Variants in RNLS observed in about 807,000 individuals in gnomAD.
RNLS encodes the protein renalase.
In RNLS, 39 loss-of-function variants were observed where a neutral mutation model predicts 39.8. The ratio of observed to expected loss-of-function variants is 0.98; its 90% CI spans 0.76 to 1.28. The LOEUF is 1.28. Ranked by LOEUF, RNLS falls within the 50% of genes most tolerant of loss-of-function variation. The probability of loss-of-function intolerance (pLI) is 0.00; values close to 1 mark genes in which losing one functional copy is unlikely to be tolerated. For missense variants in RNLS, 410 were observed against 413.3 expected, an observed-to-expected ratio of 0.99 and a Z score of 0.07; for synonymous variants, 147 against 150.7, an observed-to-expected ratio of 0.98 and a Z score of 0.18.
chr10:88,259,596 A>G, the RNLS span, among the ~76,000 whole-genome samples: 1 of 152,206 alleles, frequency 6.6e-6, no homozygotes, highest in African/African-American at 2.4e-5. Context: ...ACTCTCACGC[A>G]TAGTTACCAA....
intron 4 of RNLS, among the ~76,000 whole-genome samples, chr10:88,373,129 T>C (rs1017740432): frequency 9.2e-5 from 14 of 152,180 alleles, no homozygotes; most frequent in Admixed American, 6.6e-4. Context: ...ATAAAAACTT[T>C]ATTACATGTC....
At chr10:88,459,704 C>T (rs948291753) in intron 4 of RNLS, among the ~76,000 whole-genome samples, 2 of 152,108 alleles carry the variant, frequency 1.3e-5, no homozygotes, top group Non-Finnish European at 2.9e-5. Flanking sequence ...TGTTCACTGG[C>T]GACGGACAAT....
At chr10:88,436,958 G>T (rs1841444989) in intron 4 of RNLS, among the ~76,000 whole-genome samples, 1 of 152,198 alleles carries the variant, frequency 6.6e-6, no homozygotes, top group South Asian at 2.1e-4. Context: ...GTAGAAATTT[G>T]CATATTATTG....
chr10:88,428,037 A>G (rs1011451554), intron 4 of RNLS, among the ~76,000 whole-genome samples: 2 of 151,972 alleles, frequency 1.3e-5, no homozygotes, highest in African/African-American at 4.8e-5. Flanking sequence ...ACCTTGAACA[A>G]TAAAAAAAAA....
At chr10:88,381,487 A>G (rs997314077) in intron 4 of RNLS, among the ~76,000 whole-genome samples, 5 of 121,468 alleles carry the variant, frequency 4.1e-5, no homozygotes, top group Non-Finnish European at 8.7e-5. Flanking sequence ...ATGTGTATTT[A>G]TATATATATA....
Position 88,583,207 on chromosome 10 carries a change from G to C in RNLS, c.-17C>G. 2 of 1,613,258 alleles carry C rather than the reference G, an allele frequency of 1.2e-6. No homozygotes were observed. Among genetic ancestry groups the C allele is most frequent in the Non-Finnish European group, 1.7e-6 (2 of 1,179,782 alleles). ...CTGCGCCATGGCGAGAGGGAGCAGCGATCCGCGCTGAGTCTCTGCGGCGGG... is the reference window on the plus strand; with the variant it reads ...CTGCGCCATGGCGAGAGGGAGCAGCCATCCGCGCTGAGTCTCTGCGGCGGG... On this transcript the variant is annotated 5_prime_UTR_variant, in exon 1 of 7. The change creates a new upstream start codon in the 5' untranslated region. Transcript: ENST00000331772.
chr10:88,441,818 A>G (rs1309568302), intron 4 of RNLS, among the ~76,000 whole-genome samples: 1 of 152,214 alleles, frequency 6.6e-6, no homozygotes, highest in Non-Finnish European at 1.5e-5. Flanking sequence ...GGATTAATAA[A>G]CATAGAAAGG....
chr10:88,278,763 T>C (rs1405873632), intron 6 of RNLS, among the ~76,000 whole-genome samples: 2 of 152,214 alleles, frequency 1.3e-5, no homozygotes, highest in Non-Finnish European at 2.9e-5. Context: ...CTAATGACTT[T>C]GAATAGAAAC....
At chr10:88,427,844 C>T (rs1289617912) in intron 4 of RNLS, among the ~76,000 whole-genome samples, 2 of 151,940 alleles carry the variant, frequency 1.3e-5, no homozygotes, top group African/African-American at 4.8e-5. Flanking sequence ...TATGATCTCA[C>T]TTCATATAGG....
chr10:88,334,681 C>G (rs1442168146), intron 5 of RNLS, among the ~76,000 whole-genome samples: 2 of 152,084 alleles, frequency 1.3e-5, no homozygotes, highest in Non-Finnish European at 2.9e-5. Flanking sequence ...TGAGGGGTAC[C>G]TGAATTTATG....
At chr10:88,379,644 A>T (rs950657768) in intron 4 of RNLS, among the ~76,000 whole-genome samples, 2 of 152,224 alleles carry the variant, frequency 1.3e-5, no homozygotes, top group Non-Finnish European at 2.9e-5. Flanking sequence ...TATGACTTTG[A>T]CAACTTTTCT....
intron 4 of RNLS, among the ~76,000 whole-genome samples, chr10:88,439,564 AAAG>A (rs1841597417): frequency 6.6e-6 from 1 of 152,258 alleles, no homozygotes; most frequent in East Asian, 1.9e-4. Context: ...ACTTTTGGCC[AAAG>A]AATAAAATTC....
the RNLS span, among the ~76,000 whole-genome samples, chr10:88,194,534 G>A: frequency 6.6e-6 from 1 of 152,162 alleles, no homozygotes; most frequent in African/African-American, 2.4e-5. Flanking sequence ...AGCAAGAATA[G>A]GTCATGCTTT....
At chr10:88,556,307 G>T (rs1848872644) in intron 4 of RNLS, among the ~76,000 whole-genome samples, 1 of 152,134 alleles carries the variant, frequency 6.6e-6, no homozygotes, top group Non-Finnish European at 1.5e-5. Flanking sequence ...AAAAATGAGG[G>T]ATCCTTGTAC....
chr10:88,415,010 T>G (rs1244849659), intron 4 of RNLS, among the ~76,000 whole-genome samples: 1 of 152,148 alleles, frequency 6.6e-6, no homozygotes, highest in Non-Finnish European at 1.5e-5. Flanking sequence ...ACCAAAATAC[T>G]GCTTATATTG....
the RNLS span, among the ~76,000 whole-genome samples, chr10:88,175,106 T>C: frequency 1.3e-5 from 2 of 152,174 alleles, no homozygotes; most frequent in Admixed American, 1.3e-4. Flanking sequence ...TTGTAATGTC[T>C]CCTTTTTCAT....
chr10:88,435,682 C>CA (rs1855430602), intron 4 of RNLS, among the ~76,000 whole-genome samples: 1 of 151,942 alleles, frequency 6.6e-6, no homozygotes, highest in Admixed American at 6.6e-5. Context: ...GACACAGCTG[C>CA]AGGGCAAAAG....
intron 5 of RNLS, among the ~76,000 whole-genome samples, chr10:88,352,787 C>T (rs1206991752): frequency 2.0e-5 from 3 of 152,222 alleles, no homozygotes; most frequent in Non-Finnish European, 2.9e-5. Flanking sequence ...ACCAGCTCCT[C>T]CTTGTACCTC....
intron 4 of RNLS, among the ~76,000 whole-genome samples, chr10:88,552,548 G>A (rs1164708252): frequency 3.9e-5 from 6 of 152,290 alleles, no homozygotes; most frequent in African/African-American, 1.2e-4. Context: ...GAGTAGTAAG[G>A]ATATTCATGC....
Sources: gnomAD v4.1 joint callset for allele counts (sites outside exome capture counted in the v4.1 genomes callset) on GRCh38, gnomAD v4.1.1 for gene constraint, MANE v1.5 for transcripts, NCBI Gene and HGNC (gene_info 2026-07-23, HGNC 2026-07-21) for gene names.